ATF1: variants seen among roughly 807,000 people sequenced by gnomAD.
ATF1 encodes activating transcription factor 1.
ATF1 carries 16 observed loss-of-function variants against 34.7 expected under a neutral mutation model. The observed-to-expected ratio is 0.46, with a 90% CI of 0.31 to 0.70. The LOEUF (loss-of-function observed/expected upper bound fraction) is 0.70. Ranked by LOEUF, ATF1 falls within the 30% of genes least tolerant of loss-of-function variation. ATF1 has a pLI of 0.05. For synonymous variants in ATF1, 105 were observed against 113.1 expected (o/e 0.93, Z 0.46); for missense variants, 255 against 321.6 (o/e 0.79, Z 1.58).
chr12:50,791,861 T>C lies in ATF1; in HGVS notation c.94-4048T>C, dbSNP rs1052675162. Among the ~76,000 whole-genome samples the C allele has an allele frequency of 5.3e-5, 8 of 152,342 alleles. No homozygotes were observed. In the South Asian group the frequency reaches 1.4e-3, roughly 28 times the overall value. ...CATGGTATTTCCATGAAACCGCATCTGATTTCAACAGAAATAAATTACAAT... is the reference window on the plus strand; with the variant it reads ...CATGGTATTTCCATGAAACCGCATCCGATTTCAACAGAAATAAATTACAAT... On this transcript the variant is annotated intron_variant, in intron 2 of 6. Coordinates refer to ENST00000262053, the MANE Select transcript of ATF1 (RefSeq NM_005171.5).
At chr12:50,772,710 C>T (rs1045535725) in intron 1 of ATF1, among the ~76,000 whole-genome samples, 5 of 149,612 alleles carry the variant, frequency 3.3e-5, no homozygotes, top group African/African-American at 9.9e-5. Flanking sequence ...TTTTAAGAGA[C>T]GGGTGTCTCA....
chr12:50,816,773 T>A (rs1941851488), intron 6 of ATF1, among the ~76,000 whole-genome samples: 1 of 151,606 alleles, frequency 6.6e-6, no homozygotes, highest in African/African-American at 2.4e-5. Flanking sequence ...GGCAGGAGAA[T>A]CACTTGAACC....
intron 3 of ATF1, among the ~76,000 whole-genome samples, chr12:50,803,552 A>G (rs1454465987): frequency 1.3e-5 from 2 of 152,064 alleles, no homozygotes; most frequent in East Asian, 3.8e-4. Flanking sequence ...GCAGTTCTTC[A>G]GAATACTAAG....
upstream of ATF1, chr12:50,763,695 CTCCT>C (rs931993057): frequency 1.4e-5 from 2 of 145,948 alleles, no homozygotes; most frequent in African/African-American, 2.5e-5. Context: ...CTCTTCATTT[CTCCT>C]TCCAAGAGGA....
intron 3 of ATF1, among the ~76,000 whole-genome samples, chr12:50,797,487 TG>T (rs1941430578): frequency 6.6e-6 from 1 of 152,198 alleles, no homozygotes; most frequent in African/African-American, 2.4e-5. Flanking sequence ...AATTATTACA[TG>T]TTTTTTTGAG....
intron 1 of ATF1, among the ~76,000 whole-genome samples, chr12:50,766,395 G>A (rs1940635994): frequency 6.6e-6 from 1 of 152,186 alleles, no homozygotes; most frequent in Non-Finnish European, 1.5e-5. Context: ...GATATTAACT[G>A]CTGTTCTCTT....
intron 2 of ATF1, 78 bp downstream of exon 2, chr12:50,780,316 A>G: frequency 7.8e-7 from 1 of 1,275,566 alleles, no homozygotes; most frequent in Non-Finnish European, 1.1e-6. Flanking sequence ...CAGACTGATT[A>G]TTAATGTGTT....
At chr12:50,771,021 T>C (rs1008988991) in intron 1 of ATF1, among the ~76,000 whole-genome samples, 2 of 152,162 alleles carry the variant, frequency 1.3e-5, no homozygotes, top group Admixed American at 1.3e-4. Context: ...TTTCTTTCTT[T>C]TTGAGACAGA....
intron 6 of ATF1, among the ~76,000 whole-genome samples, chr12:50,815,428 C>T (rs571039171): frequency 6.6e-6 from 1 of 152,192 alleles, no homozygotes; most frequent in South Asian, 2.1e-4. Context: ...CTGTGTCACC[C>T]ACACTGGAGT....
intron 3 of ATF1, among the ~76,000 whole-genome samples, chr12:50,798,342 T>A (rs1052072832): frequency 4.0e-5 from 6 of 151,360 alleles, no homozygotes; most frequent in Non-Finnish European, 5.9e-5. Context: ...GGAGTCTCGC[T>A]CTGTCATCCA....
intron 2 of ATF1, among the ~76,000 whole-genome samples, chr12:50,791,506 G>T (rs1405899205): frequency 6.6e-6 from 1 of 151,790 alleles, no homozygotes; most frequent in Non-Finnish European, 1.5e-5. Context: ...AGTGAGTCTA[G>T]ATCGTGCTAC....
intron 4 of ATF1, among the ~76,000 whole-genome samples, chr12:50,811,630 GAAAAA>G (rs11464441): frequency 1.1e-4 from 8 of 72,920 alleles, no homozygotes; most frequent in South Asian, 4.6e-4. Flanking sequence ...GAAAAATGAA[GAAAAA>G]AAAAAAAAAA....
At chr12:50,803,450 G>A (rs1435906586) in intron 3 of ATF1, among the ~76,000 whole-genome samples, 1 of 151,652 alleles carries the variant, frequency 6.6e-6, no homozygotes, top group African/African-American at 2.4e-5. Context: ...ATAAGTGTTG[G>A]TGATGATATG....
In ATF1 at chr12:50,773,444, C is replaced by CTTT. The variant is rs71086476; in HGVS notation, c.-6-6676_-6-6674dup. 4.1e-3 allele frequency among the ~76,000 whole-genome samples: 371 copies of CTTT among 89,540 alleles called. 13 individuals carry two copies. Among genetic ancestry groups the CTTT allele is most frequent in the Middle Eastern group, 0.016 (1 of 64 alleles). The allele number at this position is 89,540 out of a possible 152,430, so 58.7% of individuals were successfully genotyped here. On this transcript the variant is annotated intron_variant, in intron 1 of 6. Coordinates refer to ENST00000262053, the MANE Select transcript of ATF1 (RefSeq NM_005171.5). ...AACTGTTGACTTTTTAATTGCCATT[C>CTTT]TTTTTTTTTTTTTTTTTTTTTTCGA...
At chr12:50,787,092 A>ACG (rs766757020) in intron 2 of ATF1, among the ~76,000 whole-genome samples, 10 of 152,190 alleles carry the variant, frequency 6.6e-5, no homozygotes, top group Non-Finnish European at 1.5e-4. Context: ...CCCCTTCCCT[A>ACG]CGCACACACA....
chr12:50,801,718 C>A (rs990108075), intron 3 of ATF1, among the ~76,000 whole-genome samples: 1 of 152,130 alleles, frequency 6.6e-6, no homozygotes, highest in Admixed American at 6.6e-5. Flanking sequence ...AAACAAAAAA[C>A]ATATGATCAT....
intron 3 of ATF1, among the ~76,000 whole-genome samples, chr12:50,807,802 G>GTTTTTT (rs60898769): frequency 7.0e-6 from 1 of 141,878 alleles, no homozygotes; most frequent in African/African-American, 2.6e-5. Flanking sequence ...TTGTGTGTGT[G>GTTTTTT]TTTTTTTTTT....
chr12:50,764,409 G>GGGTCGCGCGCGGTGGTGGC (rs1940572149), intron 1 of ATF1, 102 bp downstream of exon 1: 1 of 151,466 alleles, frequency 6.6e-6, no homozygotes, highest in Non-Finnish European at 1.5e-5. Flanking sequence ...CGCCTGGTGG[G>GGGTCGCGCGCGGTGGTGGC]GGTCGCGCGC....
rs748778599 is a variant in ATF1 at position 50,795,997 on chromosome 12, G to A, written c.182G>A (p.Arg61His). Residue 61 changes from arginine to histidine, a missense_variant, in exon 3 of 7, where the codon CGC (arginine) becomes CAC (histidine). Around this residue, in one of 2 missense-constraint regions of ATF1, gnomAD observed 221 missense variants for 250.7 expected, o/e 0.88. Transcript: ENST00000262053. ...SQKAHGILAR[R>H]PSYRKILKDL... ...AAAGCCCACGGGATCCTAGCACGGC[G>A]CCCATCTTACAGGTGAGTACTCTCT... The A allele has an allele frequency of 1.2e-5, 20 of 1,611,466 alleles. No individual in the cohort carries two copies. In the East Asian group the frequency reaches 1.6e-4, roughly 13 times the overall value.
Sources: gnomAD v4.1 joint callset for allele counts (sites outside exome capture counted in the v4.1 genomes callset) on GRCh38, gnomAD v4.1.1 for gene constraint, gnomAD v4.1.1 regional missense constraint, MANE v1.5 for transcripts, NCBI Gene and HGNC (gene_info 2026-07-23, HGNC 2026-07-21) for gene names.